CACNA2D3: variants seen among roughly 807,000 people sequenced by gnomAD.
CACNA2D3 encodes the protein calcium voltage-gated channel auxiliary subunit alpha2delta 3, also known as voltage-dependent calcium channel subunit alpha-2/delta-3.
Under a neutral mutation model 160.6 loss-of-function variants are expected in CACNA2D3, and 60 were observed. The observed-to-expected ratio is 0.37, with a 90% CI of 0.30 to 0.46. The LOEUF (loss-of-function observed/expected upper bound fraction) is 0.46, where lower values mean the gene tolerates loss of function less well. Among genes scored for constraint, CACNA2D3 ranks in the 20% least tolerant of loss-of-function variants. The probability of loss-of-function intolerance (pLI) is 1.00; values close to 1 mark genes in which losing one functional copy is unlikely to be tolerated. For missense variants in CACNA2D3, 1,205 were observed against 1,365.0 expected (o/e 0.88, Z 1.85); for synonymous variants, 558 against 492.9 (o/e 1.13, Z -1.75).
chr3:54,229,172 T>A (rs1007292332), intron 2 of CACNA2D3, among the ~76,000 whole-genome samples: 18 of 152,212 alleles, frequency 1.2e-4, no homozygotes, highest in African/African-American at 4.3e-4. Context: ...TTCTATGAAT[T>A]TGAAAGTATT....
chr3:54,185,769 A>C (rs1700869827), intron 2 of CACNA2D3, among the ~76,000 whole-genome samples: 1 of 152,198 alleles, frequency 6.6e-6, no homozygotes, highest in African/African-American at 2.4e-5. Flanking sequence ...AACAAGCAGC[A>C]GTTGGATTAG....
At chr3:54,544,857 G>T (rs1304844686) in intron 5 of CACNA2D3, among the ~76,000 whole-genome samples, 1 of 152,070 alleles carries the variant, frequency 6.6e-6, no homozygotes, top group Non-Finnish European at 1.5e-5. Flanking sequence ...ACTTTAAATT[G>T]ACATGTCCAT....
At chr3:54,386,476 C>G (rs938622896) in intron 3 of CACNA2D3, among the ~76,000 whole-genome samples, 2 of 152,082 alleles carry the variant, frequency 1.3e-5, no homozygotes, top group African/African-American at 4.8e-5. Context: ...AACACGTGTG[C>G]ATTTATAAAT....
At chr3:54,794,606 T>A (rs1702829666) in intron 13 of CACNA2D3, among the ~76,000 whole-genome samples, 1 of 73,546 alleles carries the variant, frequency 1.4e-5, no homozygotes, top group Non-Finnish European at 2.7e-5. Flanking sequence ...CTCAGATATA[T>A]TTTTTTTTTT....
At chr3:55,036,761 C>T (rs538611832) in intron 35 of CACNA2D3, among the ~76,000 whole-genome samples, 5 of 152,126 alleles carry the variant, frequency 3.3e-5, no homozygotes, top group East Asian at 1.9e-4. Context: ...CCACTGCGCT[C>T]GGCCGTGTTT....
At chr3:54,543,313 A>T (rs1702011171) in intron 5 of CACNA2D3, among the ~76,000 whole-genome samples, 1 of 152,340 alleles carries the variant, frequency 6.6e-6, no homozygotes. Context: ...CCATAGTTAG[A>T]GGAGGAAGTA....
chr3:54,654,578 G>T (rs1202467592), intron 11 of CACNA2D3, among the ~76,000 whole-genome samples: 1 of 152,096 alleles, frequency 6.6e-6, no homozygotes, highest in Non-Finnish European at 1.5e-5. Flanking sequence ...AAAGAAAGAG[G>T]TTACTAAAAT....
In CACNA2D3 at chr3:54,880,852, C is replaced by A; in HGVS notation, c.1901C>A (p.Thr634Asn). The A allele has an allele frequency of 6.2e-7, 1 of 1,613,692 alleles. No homozygotes were observed. The highest frequency in any genetic ancestry group is 8.5e-7 in the Non-Finnish European group (1 of 1,179,656). ...HGKYFFRGNV[T>N]IEEGLHDLEH... ...AAATATTTCTTCCGAGGGAATGTAA[C>A]CATCGAAGAAGGTAAGATACTGCCT... Residue 634 changes from threonine to asparagine, a missense_variant, in exon 21 of 38, where the codon ACC becomes AAC. Thr to Asn is a moderately conservative substitution (Grantham distance 65). Coordinates refer to ENST00000474759, the MANE Select transcript of CACNA2D3 (RefSeq NM_018398.3).
intron 13 of CACNA2D3, among the ~76,000 whole-genome samples, chr3:54,777,005 A>T (rs981047710): frequency 1.3e-5 from 2 of 152,202 alleles, no homozygotes; most frequent in Non-Finnish European, 2.9e-5. Flanking sequence ...CATGGTTTAG[A>T]CTAAAATGAA....
At chr3:54,463,841 G>A (rs577385536) in intron 4 of CACNA2D3, among the ~76,000 whole-genome samples, 1 of 152,350 alleles carries the variant, frequency 6.6e-6, no homozygotes, top group South Asian at 2.1e-4. Flanking sequence ...GAGGAGGAGA[G>A]GCGCTCTGCT....
intron 2 of CACNA2D3, among the ~76,000 whole-genome samples, chr3:54,149,522 G>T (rs1481622567): frequency 1.3e-5 from 2 of 152,146 alleles, no homozygotes; most frequent in African/African-American, 4.8e-5. Flanking sequence ...AGATGAGGAA[G>T]GGTGTGGGTT....
At chr3:54,717,684 G>A (rs1701079759) in intron 11 of CACNA2D3, among the ~76,000 whole-genome samples, 1 of 145,152 alleles carries the variant, frequency 6.9e-6, no homozygotes, top group Admixed American at 6.9e-5. Context: ...TGTGTGTGGT[G>A]TGTGCGTGCG....
intron 4 of CACNA2D3, among the ~76,000 whole-genome samples, chr3:54,453,053 A>G (rs973461958): frequency 2.0e-5 from 3 of 151,010 alleles, no homozygotes; most frequent in Admixed American, 1.3e-4. Flanking sequence ...GTGCAGTGGC[A>G]TGATCACAGC....
intron 15 of CACNA2D3, 51 bp downstream of exon 15, chr3:54,837,281 C>T (rs1004819178): frequency 4.9e-6 from 7 of 1,432,036 alleles, no homozygotes; most frequent in Non-Finnish European, 6.9e-6. Context: ...GTGGTTTTCT[C>T]AGACCCCCTC....
intron 35 of CACNA2D3, among the ~76,000 whole-genome samples, chr3:55,067,101 C>CGGT (rs1704665681): frequency 6.7e-6 from 1 of 150,318 alleles, no homozygotes; most frequent in African/African-American, 2.4e-5. Context: ...TCTTTTGTAG[C>CGGT]GGGGGGGGCT....
At chr3:54,859,908 C>A (rs900229543) in intron 17 of CACNA2D3, among the ~76,000 whole-genome samples, 2 of 151,270 alleles carry the variant, frequency 1.3e-5, no homozygotes, top group African/African-American at 4.9e-5. Flanking sequence ...GGCAATTCAC[C>A]CCAGGCAGAG....
chr3:54,771,105 T>C (rs1702312525), intron 13 of CACNA2D3, among the ~76,000 whole-genome samples: 1 of 152,134 alleles, frequency 6.6e-6, no homozygotes, highest in African/African-American at 2.4e-5. Flanking sequence ...CTTTTTCTCT[T>C]ATTGTCTCTT....
chr3:54,834,393 T>G (rs1004305874), intron 14 of CACNA2D3, among the ~76,000 whole-genome samples: 1 of 152,190 alleles, frequency 6.6e-6, no homozygotes, highest in Non-Finnish European at 1.5e-5. Flanking sequence ...GACTTCTAAT[T>G]CTAAGAGAAC....
chr3:54,852,349 G>A (rs966260364), intron 17 of CACNA2D3, among the ~76,000 whole-genome samples: 1 of 152,262 alleles, frequency 6.6e-6, no homozygotes, highest in African/African-American at 2.4e-5. Flanking sequence ...TGGGTGGAAA[G>A]CAGTAGCCAC....
Sources: allele counts gnomAD v4.1 joint callset (sites outside exome capture counted in the v4.1 genomes callset), GRCh38; gene constraint gnomAD v4.1.1; transcripts MANE v1.5; gene names NCBI Gene and HGNC (gene_info 2026-07-23, HGNC 2026-07-21).